Variants in DSCAML1 observed in about 807,000 individuals in gnomAD.
DSCAML1 encodes the protein cell adhesion molecule DSCAML1.
DSCAML1 carries 38 observed loss-of-function variants against 200.5 expected under a neutral mutation model. The ratio of observed to expected loss-of-function variants is 0.19; its 90% CI spans 0.15 to 0.25. DSCAML1 has a LOEUF of 0.25. Among genes scored for constraint, DSCAML1 ranks in the 10% least tolerant of loss-of-function variants. The pLI, the probability that DSCAML1 is intolerant of heterozygous loss-of-function variation, is 1.00. For synonymous variants in DSCAML1, 1,215 were observed against 1,165.0 expected (o/e 1.04, Z -0.87); for missense variants, 2,223 against 2,858.8 (o/e 0.78, Z 5.07).
At chr11:117,637,127 T>C (rs1184998086) in intron 3 of DSCAML1, among the ~76,000 whole-genome samples, 1 of 152,114 alleles carries the variant, frequency 6.6e-6, no homozygotes, top group African/African-American at 2.4e-5. Context: ...CCATCAGTCC[T>C]TGGGCCCTTG....
At chr11:117,522,207 C>G (rs1291684913) in intron 5 of DSCAML1, among the ~76,000 whole-genome samples, 2 of 152,194 alleles carry the variant, frequency 1.3e-5, no homozygotes, top group African/African-American at 2.4e-5. Context: ...GTCACCTCTT[C>G]CAGGAAGCCT....
rs571520964 is a variant in DSCAML1, at chr11:117,554,222, C to T, written c.512-21700G>A. On this transcript the variant is annotated intron_variant, in intron 3 of 32. Transcript: ENST00000651296. ...GATGACAAAGTTTTGGAAATAGTGG[C>T]GATGGCTGTACCACAATGTGAATAT... Among the ~76,000 whole-genome samples, 76 of 152,190 alleles carry T rather than the reference C, an allele frequency of 5.0e-4. No homozygotes were observed. The South Asian group carries it at 8.9e-3, about 18-fold the overall frequency.
At chr11:117,730,820 C>T (rs748222741) in intron 3 of DSCAML1, among the ~76,000 whole-genome samples, 5 of 152,110 alleles carry the variant, frequency 3.3e-5, no homozygotes, top group African/African-American at 9.7e-5. Context: ...CATCAATGGG[C>T]GAATTGATAA....
At chr11:117,796,966 G>T (rs2055591061) in intron 1 of DSCAML1, 68 bp downstream of exon 1, 4 of 1,186,880 alleles carry the variant, frequency 3.4e-6, no homozygotes, top group Admixed American at 4.4e-5. Flanking sequence ...CGGGCACCCC[G>T]CCTCGCCGCC....
chr11:117,745,188 C>T (rs1286323351), intron 3 of DSCAML1, among the ~76,000 whole-genome samples: 1 of 74,520 alleles, frequency 1.3e-5, no homozygotes, highest in Non-Finnish European at 2.9e-5. Flanking sequence ...GGGAGGGGCA[C>T]GTGGGAGGCT....
intron 32 of DSCAML1, 152 bp from the exon 33 acceptor site, chr11:117,428,955 C>G (rs1466996568): frequency 1.5e-6 from 1 of 672,340 alleles, no homozygotes; most frequent in Non-Finnish European, 2.5e-6. Flanking sequence ...GCGGAAAGGT[C>G]GGGTACTTGG....
At chr11:117,552,255 G>T (rs2050481573) in intron 3 of DSCAML1, among the ~76,000 whole-genome samples, 1 of 152,126 alleles carries the variant, frequency 6.6e-6, no homozygotes, top group Non-Finnish European at 1.5e-5. Context: ...ACAGGTGCCT[G>T]GGAGGAAAGC....
chr11:117,728,586 G>C (rs1019383407), intron 3 of DSCAML1, among the ~76,000 whole-genome samples: 2 of 151,044 alleles, frequency 1.3e-5, no homozygotes, highest in African/African-American at 2.5e-5. Context: ...AGTGAGTTCA[G>C]CAAGGTTTCA....
chr11:117,502,390 C>A (rs2049412239), intron 11 of DSCAML1, among the ~76,000 whole-genome samples: 1 of 152,206 alleles, frequency 6.6e-6, no homozygotes, highest in Non-Finnish European at 1.5e-5. Context: ...TGCAGAGGTG[C>A]CTGCTCTTCC....
chr11:117,474,488 C>G (rs781242554), intron 14 of DSCAML1, among the ~76,000 whole-genome samples: 5 of 152,172 alleles, frequency 3.3e-5, no homozygotes, highest in Non-Finnish European at 5.9e-5. Context: ...TGCGCAGATA[C>G]CTCCCAGATT....
At chr11:117,447,735 G>A (rs189245274) in intron 20 of DSCAML1, among the ~76,000 whole-genome samples, 9 of 152,068 alleles carry the variant, frequency 5.9e-5, no homozygotes, top group African/African-American at 9.7e-5. Context: ...ATCCGCTCCC[G>A]CCAGCATGTG....
chr11:117,455,869 A>G (rs2048359482), intron 19 of DSCAML1, among the ~76,000 whole-genome samples: 1 of 152,088 alleles, frequency 6.6e-6, no homozygotes, highest in Admixed American at 6.6e-5. Context: ...GGCAGAGTTG[A>G]CTGCTACCCT....
At chr11:117,656,733 A>G (rs567361657) in intron 3 of DSCAML1, among the ~76,000 whole-genome samples, 8 of 152,294 alleles carry the variant, frequency 5.3e-5, no homozygotes, top group Non-Finnish European at 1.2e-4. Context: ...GGTCTTAATC[A>G]ACACACTGTG....
At chr11:117,607,277 A>T (rs1195954421) in intron 3 of DSCAML1, among the ~76,000 whole-genome samples, 2 of 152,148 alleles carry the variant, frequency 1.3e-5, no homozygotes, top group Admixed American at 6.5e-5. Context: ...GCTTGACAGG[A>T]AGCGGGAGGA....
At chr11:117,604,298 G>A (rs1161127950) in intron 3 of DSCAML1, among the ~76,000 whole-genome samples, 1 of 146,606 alleles carries the variant, frequency 6.8e-6, no homozygotes, top group African/African-American at 2.5e-5. Context: ...GGCCCAACAC[G>A]GCTGCTGCAC....
intron 3 of DSCAML1, among the ~76,000 whole-genome samples, chr11:117,579,173 G>A (rs2051000908): frequency 6.6e-6 from 1 of 152,064 alleles, no homozygotes; most frequent in Admixed American, 6.6e-5. Flanking sequence ...TGTTCTCTCT[G>A]CTTCCACTCT....
chr11:117,691,164 TG>T (rs1209089147), intron 3 of DSCAML1, among the ~76,000 whole-genome samples: 1 of 152,174 alleles, frequency 6.6e-6, no homozygotes, highest in Admixed American at 6.5e-5. Flanking sequence ...AAGTCTAAAG[TG>T]ACCAGTGCCA....
Position 117,437,014 on chromosome 11 carries a change from G to A in DSCAML1, c.4720+108C>T. ...CAGCATTTCCCCCACCTGCATTCCT[G>A]CCTGTTTTTCTATTAGTCTGTCTCT... On this transcript the variant is annotated intron_variant, in intron 26 of 32. Transcript: ENST00000651296. The surrounding 1 kb of genome is among the most constrained non-coding windows in gnomAD (Gnocchi z 5.3). 7.0e-7 allele frequency: 1 copy of A among 1,425,412 alleles called. No individual in the cohort carries two copies. The highest frequency in any genetic ancestry group is 9.4e-7 in the Non-Finnish European group (1 of 1,064,712). The allele number at this position is 1,425,412 out of a possible 1,614,324, so 88.3% of individuals were successfully genotyped here. A position where few individuals can be genotyped will look rare whatever the true frequency, so the allele number is the denominator to read the frequency against.
intron 3 of DSCAML1, among the ~76,000 whole-genome samples, chr11:117,609,896 C>G (rs1466082400): frequency 6.6e-6 from 1 of 152,164 alleles, no homozygotes; most frequent in East Asian, 1.9e-4. Flanking sequence ...CTCTGGCCTT[C>G]TCCCATGGCC....
Sources: allele counts gnomAD v4.1 joint callset (sites outside exome capture counted in the v4.1 genomes callset), GRCh38; gene constraint gnomAD v4.1.1; non-coding constraint Gnocchi (gnomAD v3.1); transcripts MANE v1.5; gene names NCBI Gene and HGNC (gene_info 2026-07-23, HGNC 2026-07-21).